Variants in ITGBL1 observed in about 807,000 individuals in gnomAD.
The protein encoded by ITGBL1 is integrin beta-like protein 1.
ITGBL1 carries 51 observed loss-of-function variants against 68.5 expected under a neutral mutation model. That is an observed-to-expected ratio of 0.74 (90% CI 0.59 to 0.94). The LOEUF (loss-of-function observed/expected upper bound fraction) is 0.94. Ranked by LOEUF, ITGBL1 falls within the 40% of genes least tolerant of loss-of-function variation. The pLI is 0.00. For synonymous variants in ITGBL1, 209 were observed against 227.3 expected (o/e 0.92, Z 0.72); for missense variants, 649 against 647.4 (o/e 1.00, Z -0.03).
rs867248576 is a variant in ITGBL1 at position 101,543,312 on chromosome 13, T to C, written c.317-24387T>C. Reference sequence around the variant, plus strand: ...TAAAGGATTTTATTTCTCCTTCACTTATAAAGCTTAGTTTGGCTGGATATG... The same window carrying C: ...TAAAGGATTTTATTTCTCCTTCACTCATAAAGCTTAGTTTGGCTGGATATG... On this transcript the variant is annotated intron_variant, in intron 2 of 10. Transcript: ENST00000376180. Among the ~76,000 whole-genome samples, 3 of 152,316 alleles carry C rather than the reference T, an allele frequency of 2.0e-5. No homozygotes were observed. The South Asian group carries it at 6.2e-4, about 32-fold the overall frequency.
intron 7 of ITGBL1, among the ~76,000 whole-genome samples, chr13:101,688,771 G>A (rs1298769332): frequency 1.3e-5 from 2 of 152,294 alleles, no homozygotes; most frequent in African/African-American, 4.8e-5. Flanking sequence ...AATTGGAAAT[G>A]AATATCTATT....
intron 2 of ITGBL1, among the ~76,000 whole-genome samples, chr13:101,541,874 T>C (rs1170145035): frequency 6.6e-6 from 1 of 152,178 alleles, no homozygotes; most frequent in Non-Finnish European, 1.5e-5. Context: ...TGATGGTAGT[T>C]TGTGTTTCTG....
chr13:101,698,522 G>C (rs532889420), intron 8 of ITGBL1, among the ~76,000 whole-genome samples: 1 of 152,164 alleles, frequency 6.6e-6, no homozygotes, highest in Non-Finnish European at 1.5e-5. Flanking sequence ...AAGAAAATCA[G>C]CATGAAGTGA....
chr13:101,585,673 G>A (rs377542294), intron 6 of ITGBL1, among the ~76,000 whole-genome samples: 2 of 151,934 alleles, frequency 1.3e-5, no homozygotes, highest in East Asian at 1.9e-4. Context: ...CTTGTGATCC[G>A]CCAGCCTCGG....
At chr13:101,641,135 C>A (rs894919469) in intron 7 of ITGBL1, among the ~76,000 whole-genome samples, 1 of 152,090 alleles carries the variant, frequency 6.6e-6, no homozygotes, top group Admixed American at 6.6e-5. Context: ...TGCAAACATG[C>A]TGATGGCAGG....
intron 7 of ITGBL1, among the ~76,000 whole-genome samples, chr13:101,652,773 G>C (rs1202525127): frequency 6.6e-6 from 1 of 152,060 alleles, no homozygotes; most frequent in Non-Finnish European, 1.5e-5. Context: ...ACGCACCAAA[G>C]TTACCTCAAT....
intron 7 of ITGBL1, among the ~76,000 whole-genome samples, chr13:101,666,737 C>A (rs1318767122): frequency 6.6e-6 from 1 of 152,020 alleles, no homozygotes; most frequent in African/African-American, 2.4e-5. Flanking sequence ...TGTGGGATGG[C>A]AAATTGAAAG....
At chr13:101,627,605 G>T (rs2031831069) in intron 7 of ITGBL1, among the ~76,000 whole-genome samples, 1 of 151,966 alleles carries the variant, frequency 6.6e-6, no homozygotes, top group Non-Finnish European at 1.5e-5. Flanking sequence ...AATCCCCTGT[G>T]CTCCACCTGT....
chr13:101,675,951 T>C (rs1280258715), intron 7 of ITGBL1, among the ~76,000 whole-genome samples: 1 of 152,206 alleles, frequency 6.6e-6, no homozygotes, highest in Non-Finnish European at 1.5e-5. Flanking sequence ...AATATCCTTA[T>C]TCAATTTTTA....
At chr13:101,706,179 G>T (rs925514517) in intron 8 of ITGBL1, among the ~76,000 whole-genome samples, 1 of 152,100 alleles carries the variant, frequency 6.6e-6, no homozygotes, top group Non-Finnish European at 1.5e-5. Context: ...AAAAAAATGT[G>T]CCAAACATGA....
At chr13:101,637,265 C>A (rs1219072864) in intron 7 of ITGBL1, among the ~76,000 whole-genome samples, 1 of 151,760 alleles carries the variant, frequency 6.6e-6, no homozygotes. Context: ...ATGTATGTAA[C>A]CATACTTGAA....
intron 8 of ITGBL1, among the ~76,000 whole-genome samples, chr13:101,696,585 A>G (rs1366175569): frequency 6.6e-6 from 1 of 152,042 alleles, no homozygotes; most frequent in Non-Finnish European, 1.5e-5. Flanking sequence ...CCATTCTTCC[A>G]TGATTTTTCC....
intron 6 of ITGBL1, among the ~76,000 whole-genome samples, chr13:101,589,853 A>G (rs974766262): frequency 6.6e-6 from 1 of 152,230 alleles, no homozygotes; most frequent in African/African-American, 2.4e-5. Flanking sequence ...GAGAATGTTC[A>G]TGATGTTGCA....
chr13:101,578,866 T>A (rs553313897), intron 4 of ITGBL1, among the ~76,000 whole-genome samples: 1 of 152,332 alleles, frequency 6.6e-6, no homozygotes, highest in African/African-American at 2.4e-5. Flanking sequence ...ATAATGTCTA[T>A]CTAGGTAAAT....
chr13:101,576,837 C>T (rs887213921), intron 4 of ITGBL1, among the ~76,000 whole-genome samples: 13 of 152,006 alleles, frequency 8.6e-5, no homozygotes, highest in Non-Finnish European at 4.4e-5. Context: ...CAAGATGCTG[C>T]TCAGACAATT....
chr13:101,513,605 T>C (rs2049149241), intron 2 of ITGBL1, among the ~76,000 whole-genome samples: 1 of 152,130 alleles, frequency 6.6e-6, no homozygotes, highest in African/African-American at 2.4e-5. Flanking sequence ...TTAAAATCAT[T>C]TTCATTAATC....
rs75288753 is a variant in ITGBL1, at chr13:101,473,925, A to T, written c.316+19825A>T. Among the ~76,000 whole-genome samples the T allele has an allele frequency of 4.1e-3, 617 of 152,246 alleles. 3 individuals carry two copies. The highest frequency in any genetic ancestry group is 0.014 in the African/African-American group (585 of 41,540). Reference sequence around the variant, plus strand: ...GCTAAAGAGCACCTGGGTTTTGAATAAATATCAGTGGTACCCAGGCAGTAC... The same window carrying T: ...GCTAAAGAGCACCTGGGTTTTGAATTAATATCAGTGGTACCCAGGCAGTAC... On this transcript the variant is annotated intron_variant, in intron 2 of 10. Coordinates refer to ENST00000376180, the MANE Select transcript of ITGBL1 (RefSeq NM_004791.3).
At chr13:101,477,187 G>A (rs2048550224) in intron 2 of ITGBL1, among the ~76,000 whole-genome samples, 1 of 151,934 alleles carries the variant, frequency 6.6e-6, no homozygotes, top group Admixed American at 6.6e-5. Context: ...AATAACAAGA[G>A]GAACTTTGGA....
intron 2 of ITGBL1, among the ~76,000 whole-genome samples, chr13:101,468,264 T>A (rs192726802): frequency 6.6e-6 from 1 of 152,330 alleles, no homozygotes; most frequent in Admixed American, 6.5e-5. Flanking sequence ...AAGAAAGTAT[T>A]TGATTTGTTA....
Sources: gnomAD v4.1 joint callset for allele counts (sites outside exome capture counted in the v4.1 genomes callset) on GRCh38, gnomAD v4.1.1 for gene constraint, MANE v1.5 for transcripts, NCBI Gene and HGNC (gene_info 2026-07-23, HGNC 2026-07-21) for gene names.